TFEC: variants seen among roughly 807,000 people sequenced by gnomAD.
The protein encoded by TFEC is transcription factor EC.
TFEC carries 31 observed loss-of-function variants against 41.6 expected under a neutral mutation model. The ratio of observed to expected loss-of-function variants is 0.74; its 90% CI spans 0.56 to 1.01. The LOEUF (loss-of-function observed/expected upper bound fraction) is 1.01. TFEC is among the 50% of genes least tolerant of loss of function. The pLI, the probability that TFEC is intolerant of heterozygous loss-of-function variation, is 0.00. For missense variants in TFEC, 402 were observed against 404.1 expected (o/e 0.99, Z 0.04); for synonymous variants, 143 against 140.6 (o/e 1.02, Z -0.12).
upstream of TFEC, among the ~76,000 whole-genome samples, chr7:116,034,713 C>CAG (rs1554407213): frequency 6.6e-6 from 1 of 151,380 alleles, no homozygotes; most frequent in African/African-American, 2.4e-5. Context: ...CACACACACA[C>CAG]AGCAACCAGA....
intron 3 of TFEC, among the ~76,000 whole-genome samples, chr7:116,051,048 C>T (rs1056751332): frequency 6.6e-6 from 1 of 152,050 alleles, no homozygotes; most frequent in African/African-American, 2.4e-5. Flanking sequence ...ATTGCAAGGA[C>T]AGAAAACCAA....
At chr7:115,997,599 T>C (rs1340639744) in intron 1 of TFEC, among the ~76,000 whole-genome samples, 2 of 151,896 alleles carry the variant, frequency 1.3e-5, no homozygotes, top group African/African-American at 2.4e-5. Flanking sequence ...CCTCACCAAA[T>C]AAACTAAACA....
intron 1 of TFEC, among the ~76,000 whole-genome samples, chr7:115,998,548 T>TA (rs200421094): frequency 1.2e-4 from 18 of 148,030 alleles, no homozygotes; most frequent in East Asian, 4.0e-4. Flanking sequence ...AATGGATAAG[T>TA]AAAAAAAAAC....
At chr7:116,115,320 T>C (rs1797962546) in intron 1 of TFEC, among the ~76,000 whole-genome samples, 1 of 152,026 alleles carries the variant, frequency 6.6e-6, no homozygotes, top group Non-Finnish European at 1.5e-5. Context: ...CATTTTTTGC[T>C]CTTATACTTC....
chr7:115,987,148 A>C (rs549898813), intron 1 of TFEC, among the ~76,000 whole-genome samples: 1 of 152,314 alleles, frequency 6.6e-6, no homozygotes, highest in African/African-American at 2.4e-5. Flanking sequence ...GAATTACAAA[A>C]GTTTAGCAGG....
chr7:116,044,298 C>T (rs1488111138), intron 3 of TFEC, among the ~76,000 whole-genome samples: 1 of 152,120 alleles, frequency 6.6e-6, no homozygotes, highest in Non-Finnish European at 1.5e-5. Flanking sequence ...TGTGTTACCC[C>T]TTTTCTAATT....
intron 3 of TFEC, among the ~76,000 whole-genome samples, chr7:115,969,583 A>G (rs1397015238): frequency 6.6e-6 from 1 of 151,982 alleles, no homozygotes; most frequent in East Asian, 1.9e-4. Context: ...CAGACCCTGA[A>G]GTCAAAGGGA....
At chr7:116,055,979 T>C (rs2130971602) in intron 3 of TFEC, among the ~76,000 whole-genome samples, 1 of 152,234 alleles carries the variant, frequency 6.6e-6, no homozygotes, top group South Asian at 2.1e-4. Flanking sequence ...GATAACATAT[T>C]ATTGAAATCT....
At chr7:116,126,655 C>T (rs1401177926) in intron 1 of TFEC, among the ~76,000 whole-genome samples, 3 of 151,418 alleles carry the variant, frequency 2.0e-5, no homozygotes, top group Admixed American at 6.6e-5. Context: ...TAGGGAGGAG[C>T]GTGGATAGAA....
At chr7:116,147,930 G>C (rs1798677095) in intron 1 of TFEC, among the ~76,000 whole-genome samples, 1 of 152,096 alleles carries the variant, frequency 6.6e-6, no homozygotes. Context: ...TTTCAATGGG[G>C]GGAAGAGCCA....
At chr7:116,103,321 T>C (rs1797645306) in intron 3 of TFEC, among the ~76,000 whole-genome samples, 1 of 152,120 alleles carries the variant, frequency 6.6e-6, no homozygotes. Flanking sequence ...GTAAGTGTAG[T>C]AGAAGATGAA....
In TFEC at chr7:116,159,596, A is replaced by G. The variant is rs190167369; in HGVS notation, c.-69+194T>C. Among the ~76,000 whole-genome samples the G allele has an allele frequency of 4.6e-5, 7 of 152,240 alleles. No homozygotes were observed. In the East Asian group the frequency reaches 1.4e-3, roughly 29 times the overall value. The stretch of plus-strand genomic sequence containing the variant: ...CACCAGTGAAGCATTATAATCAAAT[A>G]TCATCCATAAAAAACAAATAGCAGC... On this transcript the variant is annotated intron_variant, in intron 1 of 8. Coordinates refer to the TFEC transcript ENST00000484212.
chr7:116,029,663 C>A (rs956871106), intron 1 of TFEC, among the ~76,000 whole-genome samples: 1 of 151,602 alleles, frequency 6.6e-6, no homozygotes, highest in African/African-American at 2.4e-5. Context: ...GAAATTATAT[C>A]TATTGTAATT....
Position 115,940,575 on chromosome 7 carries a change from G to A in TFEC, c.1020C>T (p.Ser340=), listed in dbSNP as rs1415843319. ...SKESSRRSSF[S]SDDGDEL ...CTTATAATTCATCACCATCATCTGA[G>A]CTAAAGCTACTTCTCCTACTGCTTT... The change falls in exon 8 of 8, where the codon AGC becomes AGT. Residue 340 remains serine (S), a synonymous_variant. Transcript: ENST00000265440. 6.2e-7 allele frequency: 1 copy of A among 1,612,708 alleles called. No homozygotes were observed. Among genetic ancestry groups the A allele is most frequent in the South Asian group, 1.1e-5 (1 of 90,950 alleles).
intron 6 of TFEC, among the ~76,000 whole-genome samples, chr7:115,948,127 A>G (rs1332190143): frequency 6.6e-6 from 1 of 151,858 alleles, no homozygotes; most frequent in Admixed American, 6.6e-5. Flanking sequence ...CGACATATAC[A>G]CTCTCCCAAG....
At chr7:116,061,941 TA>T (rs1200421769) in intron 3 of TFEC, among the ~76,000 whole-genome samples, 1 of 152,108 alleles carries the variant, frequency 6.6e-6, no homozygotes, top group African/African-American at 2.4e-5. Context: ...CTGATCATTC[TA>T]AGTGTTAATA....
chr7:115,995,304 C>A (rs747906666), intron 1 of TFEC, among the ~76,000 whole-genome samples: 1 of 151,672 alleles, frequency 6.6e-6, no homozygotes, highest in Non-Finnish European at 1.5e-5. Flanking sequence ...TGTAACAAAC[C>A]TGCACATTGT....
intron 1 of TFEC, among the ~76,000 whole-genome samples, chr7:116,000,405 T>A (rs1794544703): frequency 6.6e-6 from 1 of 151,694 alleles, no homozygotes; most frequent in Non-Finnish European, 1.5e-5. Context: ...GAACACAAGG[T>A]GCCTATTATT....
chr7:115,987,298 T>C (rs915975889), intron 1 of TFEC, among the ~76,000 whole-genome samples: 21 of 152,198 alleles, frequency 1.4e-4, no homozygotes, highest in African/African-American at 5.1e-4. Flanking sequence ...CTGACTTTAC[T>C]AACCATGAAC....
Sources: gnomAD v4.1 joint callset for allele counts (sites outside exome capture counted in the v4.1 genomes callset) on GRCh38, gnomAD v4.1.1 for gene constraint, MANE v1.5 for transcripts, NCBI Gene and HGNC (gene_info 2026-07-23, HGNC 2026-07-21) for gene names.